Variants in ZDHHC15 observed in about 807,000 individuals in gnomAD.
The protein encoded by ZDHHC15 is palmitoyltransferase ZDHHC15.
In ZDHHC15, 19 loss-of-function variants were observed where a neutral mutation model predicts 31.7. The observed-to-expected ratio is 0.60, with a 90% CI of 0.42 to 0.88. The LOEUF is 0.88. Ranked by LOEUF, ZDHHC15 falls within the 40% of genes least tolerant of loss-of-function variation. The probability of loss-of-function intolerance (pLI) is 0.00; values close to 1 mark genes in which losing one functional copy is unlikely to be tolerated. For synonymous variants in ZDHHC15, 103 were observed against 90.0 expected (o/e 1.14, Z -0.82); for missense variants, 209 against 251.2 (o/e 0.83, Z 1.14).
chrX:75,427,884 G>C (rs2083733412), intron 7 of ZDHHC15, among the ~76,000 whole-genome samples: 1 of 110,900 alleles, frequency 9.0e-6, no homozygotes, highest in South Asian at 3.8e-4. Flanking sequence ...AAGTTGAAAG[G>C]GAAATGGAAA....
chrX:75,485,610 C>T (rs1019527874), intron 2 of ZDHHC15, among the ~76,000 whole-genome samples: 1 of 111,296 alleles, frequency 9.0e-6, no homozygotes, highest in African/African-American at 3.3e-5. Flanking sequence ...AGGTCCAGCC[C>T]AGCCCACTGG....
At chrX:75,508,153 T>C (rs2085197839) in intron 1 of ZDHHC15, among the ~76,000 whole-genome samples, 1 of 111,161 alleles carries the variant, frequency 9.0e-6, no homozygotes, top group Non-Finnish European at 1.9e-5. Context: ...GAACATGTTT[T>C]TTTAAATTAT....
At chrX:75,451,071 T>G (rs1602646573) in intron 3 of ZDHHC15, 149 bp from the exon 4 acceptor site, 1 of 659,340 alleles carries the variant, frequency 1.5e-6, no homozygotes, top group East Asian at 3.8e-5. Context: ...TCTGGATAAT[T>G]ACTTCAATAA....
intron 2 of ZDHHC15, among the ~76,000 whole-genome samples, chrX:75,484,548 A>G (rs1464198473): frequency 2.7e-5 from 3 of 111,973 alleles, no homozygotes; most frequent in Non-Finnish European, 5.6e-5. Context: ...ACCACCAACA[A>G]AAACAAACTT....
intron 10 of ZDHHC15, among the ~76,000 whole-genome samples, chrX:75,407,091 T>C (rs1330714245): frequency 8.9e-6 from 1 of 112,477 alleles, no homozygotes; most frequent in Non-Finnish European, 1.9e-5. Flanking sequence ...TTGCAGCCTC[T>C]GCCCAGCCGC....
At position 75,368,820 on chromosome X, in the gene ZDHHC15, T is replaced by C. The variant is rs753334655; in HGVS notation, c.*4158A>G. 19 of 111,872 alleles carry C rather than the reference T, an allele frequency of 1.7e-4. 1 individual carries two copies. The highest frequency in any genetic ancestry group is 8.4e-3 in the Middle Eastern group (2 of 238). 9.2% of individuals were successfully genotyped at this position (111,872 alleles called of 1,213,427 possible). Reference sequence around the variant, plus strand: ...TTAACTCATTCTGCTGATGGCTGTGTACCATCCTGCTACAAAGAACACATT... The same window carrying C: ...TTAACTCATTCTGCTGATGGCTGTGCACCATCCTGCTACAAAGAACACATT... On this transcript the variant is annotated 3_prime_UTR_variant, in exon 12 of 12. Coordinates refer to ENST00000373367, the MANE Select transcript of ZDHHC15 (RefSeq NM_144969.3).
intron 8 of ZDHHC15, among the ~76,000 whole-genome samples, chrX:75,422,246 C>T (rs1300481711): frequency 9.0e-6 from 1 of 111,625 alleles, no homozygotes; most frequent in African/African-American, 3.3e-5. Context: ...AGGGGAAACA[C>T]ATGGTGGCAG....
rs2083017002 is a variant in ZDHHC15 at position 75,372,892 on chromosome X, A to T, written c.*86T>A. Reference sequence around the variant, plus strand: ...ACGGTGACTTATTTTGAAGATTACAATGATTTCCAACATTGAACTCTGTAA... The same window carrying T: ...ACGGTGACTTATTTTGAAGATTACATTGATTTCCAACATTGAACTCTGTAA... On this transcript the variant is annotated 3_prime_UTR_variant, in exon 12 of 12. Coordinates refer to ENST00000373367, the MANE Select transcript of ZDHHC15 (RefSeq NM_144969.3). 1 of 111,990 alleles carries T rather than the reference A, an allele frequency of 8.9e-6. No individual in the cohort carries two copies. Among genetic ancestry groups the T allele is most frequent in the Non-Finnish European group, 1.9e-5 (1 of 53,163 alleles). 9.2% of individuals were successfully genotyped at this position (111,990 alleles called of 1,213,427 possible).
At chrX:75,482,575 T>C (rs1213853205) in intron 2 of ZDHHC15, among the ~76,000 whole-genome samples, 1 of 111,646 alleles carries the variant, frequency 9.0e-6, no homozygotes, top group Non-Finnish European at 1.9e-5. Flanking sequence ...CTGGTTAGAT[T>C]ATCAGTCTAT....
intron 3 of ZDHHC15, among the ~76,000 whole-genome samples, chrX:75,474,399 T>A (rs1190021033): frequency 9.3e-6 from 1 of 107,228 alleles, no homozygotes; most frequent in East Asian, 2.9e-4. Flanking sequence ...TGAGACCTTG[T>A]GATTGTGTGA....
At chrX:75,426,744 C>T (rs777842820) in intron 7 of ZDHHC15, among the ~76,000 whole-genome samples, 1 of 111,296 alleles carries the variant, frequency 9.0e-6, no homozygotes, top group Non-Finnish European at 1.9e-5. Flanking sequence ...ATTCTTTAAT[C>T]TCATGGAGCT....
chrX:75,515,010 C>T (rs1030578854), intron 1 of ZDHHC15, among the ~76,000 whole-genome samples: 1 of 111,251 alleles, frequency 9.0e-6, no homozygotes, highest in African/African-American at 3.3e-5. Flanking sequence ...ATACACCATC[C>T]CAAGACTAAA....
chrX:75,402,282 A>G (rs1401999744), intron 10 of ZDHHC15, among the ~76,000 whole-genome samples: 2 of 111,837 alleles, frequency 1.8e-5, no homozygotes, highest in Non-Finnish European at 3.8e-5. Context: ...GCCCATATCA[A>G]AAAGCTAGAA....
At chrX:75,500,406 A>G (rs1054082800) in intron 2 of ZDHHC15, among the ~76,000 whole-genome samples, 2 of 109,714 alleles carry the variant, frequency 1.8e-5, no homozygotes, top group African/African-American at 6.7e-5. Flanking sequence ...ATTAAAAAAT[A>G]TAGTTTCAGA....
intron 10 of ZDHHC15, 145 bp from the exon 11 acceptor site, chrX:75,379,343 G>T: frequency 1.9e-6 from 1 of 538,155 alleles, no homozygotes; most frequent in Non-Finnish European, 3.1e-6. Context: ...TAACACAGAA[G>T]CATTTGTAAC....
In ZDHHC15 at chrX:75,371,274, C is replaced by G. The variant is rs1391108301; in HGVS notation, c.*1704G>C. 9.0e-6 allele frequency: 1 copy of G among 111,567 alleles called. No individual in the cohort carries two copies. The highest frequency in any genetic ancestry group is 1.9e-5 in the Non-Finnish European group (1 of 53,121). The allele number at this position is 111,567 out of a possible 1,213,427, so 9.2% of individuals were successfully genotyped here. A position where few individuals can be genotyped will look rare whatever the true frequency, so the allele number is the denominator to read the frequency against. ...AAAGAGTGTAAGGGGAAATTTTTTT[C>G]CATCTGAATATATAAGAAGATTTCA... is the stretch of plus-strand genomic sequence containing the variant. On this transcript the variant is annotated 3_prime_UTR_variant, in exon 12 of 12. Transcript: ENST00000373367.
At chrX:75,460,979 T>C (rs2084305007) in intron 3 of ZDHHC15, among the ~76,000 whole-genome samples, 1 of 111,413 alleles carries the variant, frequency 9.0e-6, no homozygotes, top group South Asian at 3.8e-4. Flanking sequence ...AGGTGGGTAA[T>C]AACAAACTTC....
rs749705793 is a variant in ZDHHC15, at chrX:75,456,803, C to G, written c.259-5881G>C. The stretch of plus-strand genomic sequence containing the variant: ...GAGAGCAGTTGGGTCCAGCACTTAC[C>G]AAACATAACAGCAACGGGTGTCTCC... On this transcript the variant is annotated intron_variant, in intron 3 of 11. Transcript: ENST00000373367. 3.2e-4 allele frequency among the ~76,000 whole-genome samples: 36 copies of G among 111,287 alleles called. No homozygotes were observed. In the South Asian group the frequency reaches 0.014, roughly 43 times the overall value.
intron 10 of ZDHHC15, among the ~76,000 whole-genome samples, chrX:75,387,213 A>T (rs1240486077): frequency 8.9e-6 from 1 of 112,341 alleles, no homozygotes; most frequent in Non-Finnish European, 1.9e-5. Context: ...CCAAAACAAG[A>T]CAGACAGAGA....
Sources: allele counts gnomAD v4.1 joint callset (sites outside exome capture counted in the v4.1 genomes callset), GRCh38; gene constraint gnomAD v4.1.1; transcripts MANE v1.5; gene names NCBI Gene and HGNC (gene_info 2026-07-23, HGNC 2026-07-21).